The following RBL2 variants were observed in gnomAD, a reference collection of about 807,000 sequenced individuals.
The protein encoded by RBL2 is retinoblastoma-like protein 2.
RBL2 carries 56 observed loss-of-function variants against 126.0 expected under a neutral mutation model. The observed-to-expected ratio is 0.44, with a 90% CI of 0.36 to 0.56. The LOEUF is 0.56. RBL2 is among the 20% of genes least tolerant of loss of function. The pLI is 0.00. For missense variants in RBL2, 1,229 were observed against 1,398.2 expected (o/e 0.88, Z 1.93); for synonymous variants, 454 against 478.5 (o/e 0.95, Z 0.67).
intron 8 of RBL2, among the ~76,000 whole-genome samples, chr16:53,456,105 G>A (rs1195048738): frequency 6.6e-6 from 1 of 152,108 alleles, no homozygotes; most frequent in Admixed American, 6.6e-5. Context: ...GAGCCCAGGA[G>A]TTCCAGGCTG....
intron 21 of RBL2, 24 bp downstream of exon 21, chr16:53,481,859 C>T (rs1960965164): frequency 6.5e-7 from 1 of 1,544,148 alleles, no homozygotes; most frequent in Non-Finnish European, 9.0e-7. Context: ...CAATCTTGGC[C>T]TTTACTAACC....
intron 7 of RBL2, chr16:53,454,149 C>G (rs1469198625): frequency 2.3e-6 from 1 of 428,006 alleles, no homozygotes; most frequent in Admixed American, 2.6e-5. Flanking sequence ...AATACTTGTA[C>G]TGTGTGATGG....
chr16:53,483,756 G>A (rs1961046998), intron 21 of RBL2, among the ~76,000 whole-genome samples: 1 of 151,836 alleles, frequency 6.6e-6, no homozygotes, highest in Non-Finnish European at 1.5e-5. Flanking sequence ...AGCCGGGCAT[G>A]GTGGTGGACA....
chr16:53,483,600 G>GT (rs1407733300), intron 21 of RBL2, among the ~76,000 whole-genome samples: 3 of 152,016 alleles, frequency 2.0e-5, no homozygotes, highest in Non-Finnish European at 4.4e-5. Context: ...GTTAGAAAAT[G>GT]TAATAATGGG....
chr16:53,485,199 G>A (rs926156543), intron 21 of RBL2, among the ~76,000 whole-genome samples: 5 of 152,124 alleles, frequency 3.3e-5, no homozygotes, highest in African/African-American at 7.2e-5. Flanking sequence ...CTCGATAAAT[G>A]TTAAAAGGGT....
At chr16:53,490,068 G>T in intron 21 of RBL2, 62 bp from the exon 22 acceptor site, 2 of 1,287,540 alleles carry the variant, frequency 1.6e-6, no homozygotes, top group South Asian at 3.5e-5. Context: ...GAGATTCTTT[G>T]ACTTAATACT....
rs112480503 is a variant in RBL2 at position 53,480,213 on chromosome 16, G to A, written c.2881+222G>A. The stretch of plus-strand genomic sequence containing the variant: ...CTCCAGGAGAATTAGAGCTTTCAGG[G>A]AGGAATCTGCTTGCCTGAGTTCCAG... On this transcript the variant is annotated intron_variant, in intron 19 of 21. Transcript: ENST00000262133. 102 of 539,968 alleles carry A rather than the reference G, an allele frequency of 1.9e-4. 3 individuals carry two copies. In the South Asian group the frequency reaches 2.1e-3, roughly 11 times the overall value. 33.4% of individuals were successfully genotyped at this position (539,968 alleles called of 1,614,324 possible).
At chr16:53,437,739 A>G (rs1170029662) in intron 1 of RBL2, among the ~76,000 whole-genome samples, 1 of 152,010 alleles carries the variant, frequency 6.6e-6, no homozygotes, top group Non-Finnish European at 1.5e-5. Context: ...TAAAAATATA[A>G]ACAATAGGCC....
chr16:53,490,000 G>A, intron 21 of RBL2, 130 bp from the exon 22 acceptor site: 2 of 660,162 alleles, frequency 3.0e-6, no homozygotes, highest in Non-Finnish European at 4.4e-6. Context: ...GTAACTTAGT[G>A]TTTCTTTTCT....
At chr16:53,484,548 C>G (rs1229415107) in intron 21 of RBL2, among the ~76,000 whole-genome samples, 1 of 152,080 alleles carries the variant, frequency 6.6e-6, no homozygotes, top group African/African-American at 2.4e-5. Flanking sequence ...TATGAATGGA[C>G]CTTGAAAACA....
At chr16:53,484,236 A>G (rs1408544067) in intron 21 of RBL2, among the ~76,000 whole-genome samples, 1 of 152,252 alleles carries the variant, frequency 6.6e-6, no homozygotes, top group East Asian at 1.9e-4. Context: ...ATGGATTAAC[A>G]GAGTTAAATG....
intron 18 of RBL2, chr16:53,479,550 C>T: frequency 2.2e-6 from 1 of 458,348 alleles, no homozygotes. Context: ...CAGAATGTCA[C>T]ATGGAAATTT....
At chr16:53,487,292 T>A (rs1057474794) in intron 21 of RBL2, among the ~76,000 whole-genome samples, 1 of 152,150 alleles carries the variant, frequency 6.6e-6, no homozygotes, top group African/African-American at 2.4e-5. Flanking sequence ...ACACAAAATA[T>A]CTGTATTATA....
In RBL2 at chr16:53,479,951, A is replaced by C. The variant is rs368299379; in HGVS notation, c.2841A>C (p.Arg947Ser). 1 of 1,611,912 alleles carries C rather than the reference A, an allele frequency of 6.2e-7. No individual in the cohort carries two copies. Among genetic ancestry groups the C allele is most frequent in the African/African-American group, 1.3e-5 (1 of 74,928 alleles). The change falls in exon 19 of 22, where the codon AGA (arginine) becomes AGC (serine). Residue 947 changes from arginine to serine, a missense_variant. Coordinates refer to ENST00000262133, the MANE Select transcript of RBL2 (RefSeq NM_005611.4). ...KRRNSGSSDSRSHQNSPTELN... is the reference protein window; with the variant it reads ...KRRNSGSSDSSSHQNSPTELN... ...GAAATTCTGGCAGCAGTGATAGCAGAAGCCATCAGAATTCTCCAACAGAAC... is the reference window on the plus strand; with the variant it reads ...GAAATTCTGGCAGCAGTGATAGCAGCAGCCATCAGAATTCTCCAACAGAAC...
chr16:53,481,822 A>G lies in RBL2; in HGVS notation c.3236A>G (p.Asn1079Ser), dbSNP rs756995654. The G allele has an allele frequency of 5.7e-6, 9 of 1,582,466 alleles. No individual in the cohort carries two copies. The highest frequency in any genetic ancestry group is 1.7e-5 in the Admixed American group (1 of 59,946). Reference sequence around the variant, plus strand: ...GAAAAGATTTTCTATTACTTCAGCAACAGTCCTTCAAAGGTGAGCCTAACA... The same window carrying G: ...GAAAAGATTTTCTATTACTTCAGCAGCAGTCCTTCAAAGGTGAGCCTAACA... ...PREKIFYYFS[N>S]SPSKRLREIN... Residue 1079 changes from asparagine to serine, a missense_variant, in exon 21 of 22, where the codon AAC becomes AGC. Transcript: ENST00000262133.
At chr16:53,477,000 T>C (rs547251772) in intron 17 of RBL2, among the ~76,000 whole-genome samples, 18 of 152,368 alleles carry the variant, frequency 1.2e-4, no homozygotes, top group Middle Eastern at 3.4e-3. Flanking sequence ...GCTTTGCTTT[T>C]GCATTAGGTC....
chr16:53,457,277 T>TTTTTTTTTTTTTTTTTTTTTTTTTTTG lies in RBL2; in HGVS notation c.1180-2174_1180-2173insTTTTTTTTTTTTTTTTTTTTTTTTTTG, dbSNP rs1213898728. On this transcript the variant is annotated intron_variant, in intron 8 of 21. Transcript: ENST00000262133. The stretch of plus-strand genomic sequence containing the variant: ...AGATAGCTTTTTTTTTTTTTTTTTT[T>TTTTTTTTTTTTTTTTTTTTTTTTTTTG]GAGATGGAGTCTCGCTCTGTCACCC... 1.6e-4 allele frequency among the ~76,000 whole-genome samples: 22 copies of TTTTTTTTTTTTTTTTTTTTTTTTTTTG among 139,974 alleles called. 1 individual carries two copies. Among genetic ancestry groups the TTTTTTTTTTTTTTTTTTTTTTTTTTTG allele is most frequent in the Non-Finnish European group, 2.8e-4 (18 of 64,144 alleles). 91.8% of individuals were successfully genotyped at this position (139,974 alleles called of 152,430 possible). A position where few individuals can be genotyped will look rare whatever the true frequency, so the allele number is the denominator to read the frequency against.
intron 20 of RBL2, chr16:53,481,470 G>T (rs1390359201): frequency 5.9e-6 from 3 of 506,782 alleles, no homozygotes; most frequent in Non-Finnish European, 1.0e-5. Context: ...TATAAAAATT[G>T]CTTAAAATAA....
At chr16:53,442,148 A>T (rs2058022525) in intron 2 of RBL2, among the ~76,000 whole-genome samples, 1 of 151,332 alleles carries the variant, frequency 6.6e-6, no homozygotes, top group Admixed American at 6.6e-5. Context: ...TTGCTAGTTT[A>T]AAAAAAAATC....
Sources: gnomAD v4.1 joint callset for allele counts (sites outside exome capture counted in the v4.1 genomes callset) on GRCh38, gnomAD v4.1.1 for gene constraint, MANE v1.5 for transcripts, NCBI Gene and HGNC (gene_info 2026-07-23, HGNC 2026-07-21) for gene names.